IGSF21: variants seen among roughly 807,000 people sequenced by gnomAD.
The protein encoded by IGSF21 is immunoglobin superfamily member 21, also known as immunoglobulin superfamily member 21.
A neutral mutation model predicts 46.8 loss-of-function variants in IGSF21; 28 were observed. The ratio of observed to expected loss-of-function variants is 0.60; its 90% CI spans 0.44 to 0.82. IGSF21 has a LOEUF of 0.82. IGSF21 is among the 40% of genes least tolerant of loss of function. The pLI, the probability that IGSF21 is intolerant of heterozygous loss-of-function variation, is 0.00. For synonymous variants in IGSF21, 284 were observed against 273.6 expected, an observed-to-expected ratio of 1.04 and a Z score of -0.38; for missense variants, 624 against 665.5, an observed-to-expected ratio of 0.94 and a Z score of 0.69.
At chr1:18,192,833 A>C (rs2086970774) in intron 1 of IGSF21, among the ~76,000 whole-genome samples, 1 of 152,106 alleles carries the variant, frequency 6.6e-6, no homozygotes, top group South Asian at 2.1e-4. Context: ...AAACAAGAAA[A>C]TAAACGTGAA....
intron 4 of IGSF21, among the ~76,000 whole-genome samples, chr1:18,349,540 A>G (rs78769426): frequency 6.6e-6 from 1 of 152,200 alleles, no homozygotes; most frequent in African/African-American, 2.4e-5. Context: ...AATGAGGGGC[A>G]GAAAAGCATG....
At chr1:18,220,994 G>A (rs570957483) in intron 1 of IGSF21, among the ~76,000 whole-genome samples, 15 of 152,278 alleles carry the variant, frequency 9.9e-5, no homozygotes, top group South Asian at 4.1e-4. Context: ...AGCCAGGGGC[G>A]TGCATATTAG....
intron 3 of IGSF21, among the ~76,000 whole-genome samples, chr1:18,318,112 T>C (rs969816389): frequency 1.3e-5 from 2 of 152,160 alleles, no homozygotes; most frequent in African/African-American, 4.8e-5. Context: ...ATGGTGACTA[T>C]AGATGGCTCT....
chr1:18,351,902 G>A (rs1345611380), intron 4 of IGSF21, among the ~76,000 whole-genome samples: 1 of 152,198 alleles, frequency 6.6e-6, no homozygotes, highest in Non-Finnish European at 1.5e-5. Flanking sequence ...GCAGGCAGCG[G>A]CCACCCACAG....
intron 3 of IGSF21, among the ~76,000 whole-genome samples, chr1:18,332,745 C>G (rs909997385): frequency 6.6e-6 from 1 of 152,178 alleles, no homozygotes; most frequent in Non-Finnish European, 1.5e-5. Flanking sequence ...TTAAGTCCTT[C>G]CATGACAGTC....
intron 1 of IGSF21, among the ~76,000 whole-genome samples, chr1:18,177,351 C>T (rs1415200491): frequency 6.6e-6 from 1 of 151,426 alleles, no homozygotes; most frequent in Non-Finnish European, 1.5e-5. Context: ...CCAGAGATGG[C>T]TGAGAAGGAC....
At chr1:18,111,984 T>G (rs1234636438) in intron 1 of IGSF21, 1 of 152,238 alleles carries the variant, frequency 6.6e-6, no homozygotes, top group Non-Finnish European at 1.5e-5. Context: ...CAGACACACT[T>G]GAACTTCACT....
At chr1:18,131,416 C>A (rs71643491) in intron 1 of IGSF21, among the ~76,000 whole-genome samples, 2,601 of 152,230 alleles carry the variant, frequency 0.017, 29 homozygotes, top group East Asian at 0.058. Flanking sequence ...CCTGGCCCAC[C>A]GCCTACAAGC....
intron 3 of IGSF21, among the ~76,000 whole-genome samples, chr1:18,325,038 GGCTGAGCTCGA>G: frequency 6.6e-6 from 1 of 152,292 alleles, no homozygotes; most frequent in African/African-American, 2.4e-5. Context: ...CCACTTTCTG[GGCTGAGCTCGA>G]GTGTAGACCC....
At chr1:18,280,097 G>A (rs1484419654) in intron 2 of IGSF21, among the ~76,000 whole-genome samples, 6 of 152,142 alleles carry the variant, frequency 3.9e-5, no homozygotes, top group South Asian at 2.1e-4. Flanking sequence ...CCGGCAGCCC[G>A]GGGGGTGACA....
intron 2 of IGSF21, among the ~76,000 whole-genome samples, chr1:18,275,680 C>T (rs144286955): frequency 6.6e-6 from 1 of 152,178 alleles, no homozygotes; most frequent in Admixed American, 6.5e-5. Flanking sequence ...CCGCTCAACC[C>T]CAACCCCTTA....
intron 1 of IGSF21, among the ~76,000 whole-genome samples, chr1:18,175,420 G>A (rs1266001939): frequency 1.3e-5 from 2 of 152,172 alleles, no homozygotes; most frequent in African/African-American, 2.4e-5. Context: ...CCCGCAGACA[G>A]CCGGGAGGAA....
chr1:18,315,831 A>ATGGCTAGG (rs1440610288), intron 3 of IGSF21, among the ~76,000 whole-genome samples: 1 of 148,748 alleles, frequency 6.7e-6, no homozygotes, highest in East Asian at 2.1e-4. Context: ...GGATGGCTAG[A>ATGGCTAGG]TAGGTAGATG....
At chr1:18,255,372 G>A (rs1050880736) in intron 2 of IGSF21, among the ~76,000 whole-genome samples, 2 of 152,134 alleles carry the variant, frequency 1.3e-5, no homozygotes, top group African/African-American at 2.4e-5. Context: ...ATGGTCTTGT[G>A]CAGAGAGATG....
chr1:18,137,049 G>T (rs916748163), intron 1 of IGSF21, among the ~76,000 whole-genome samples: 16 of 152,092 alleles, frequency 1.1e-4, no homozygotes, highest in Non-Finnish European at 2.1e-4. Context: ...AAGAAAAGAG[G>T]TTTAATTGGC....
chr1:18,134,306 G>T (rs2086349329), intron 1 of IGSF21, among the ~76,000 whole-genome samples: 1 of 152,108 alleles, frequency 6.6e-6, no homozygotes, highest in South Asian at 2.1e-4. Flanking sequence ...CCTTCTGTAA[G>T]GGGGGCAGAG....
intron 1 of IGSF21, among the ~76,000 whole-genome samples, chr1:18,218,284 C>T (rs1044289113): frequency 6.6e-6 from 1 of 152,190 alleles, no homozygotes; most frequent in African/African-American, 2.4e-5. Flanking sequence ...TGAAAACTCA[C>T]TCATTATCAA....
intron 3 of IGSF21, among the ~76,000 whole-genome samples, chr1:18,301,192 G>T (rs1318797885): frequency 2.0e-5 from 3 of 152,212 alleles, no homozygotes; most frequent in East Asian, 3.9e-4. Flanking sequence ...GGTCAAGCAG[G>T]TCGTGCAGTG....
chr1:18,108,070 A>ACCCGCCGCCACCGCCTCCACC lies in IGSF21; in HGVS notation c.-49_-29dup. ...GCGCGTCTGAGCCCATGGCGAGGGGACCCGCCGCCACCGCCTCCACCCCCG... is the reference window on the plus strand; with the variant it reads ...GCGCGTCTGAGCCCATGGCGAGGGGACCCGCCGCCACCGCCTCCACCCCCGCCGCCACCGCCTCCACCCCCG... On this transcript the variant is annotated 5_prime_UTR_variant, in exon 1 of 10. Coordinates refer to ENST00000251296, the MANE Select transcript of IGSF21 (RefSeq NM_032880.5). 1 of 802,736 alleles carries ACCCGCCGCCACCGCCTCCACC rather than the reference A, an allele frequency of 1.2e-6. No homozygotes were observed. The highest frequency in any genetic ancestry group is 1.8e-6 in the Non-Finnish European group (1 of 564,416). 49.7% of individuals were successfully genotyped at this position (802,736 alleles called of 1,614,324 possible). A position where few individuals can be genotyped will look rare whatever the true frequency, so the allele number is the denominator to read the frequency against.
Sources: gnomAD v4.1 joint callset for allele counts (sites outside exome capture counted in the v4.1 genomes callset) on GRCh38, gnomAD v4.1.1 for gene constraint, MANE v1.5 for transcripts, NCBI Gene and HGNC (gene_info 2026-07-23, HGNC 2026-07-21) for gene names.